The following PIH1D2 variants were observed in gnomAD, a reference collection of about 807,000 sequenced individuals.
The protein encoded by PIH1D2 is PIH1 domain containing 2.
Under a neutral mutation model 31.2 loss-of-function variants are expected in PIH1D2, and 25 were observed. The observed-to-expected ratio is 0.80, with a 90% confidence interval of 0.58 to 1.12. The LOEUF (loss-of-function observed/expected upper bound fraction) is 1.12. Among genes scored for constraint, PIH1D2 ranks in the 50% most tolerant of loss-of-function variants. The pLI, the probability that PIH1D2 is intolerant of heterozygous loss-of-function variation, is 0.00. For synonymous variants in PIH1D2, 116 were observed against 119.9 expected, an observed-to-expected ratio of 0.97 and a Z score of 0.21; for missense variants, 310 against 356.6, an observed-to-expected ratio of 0.87 and a Z score of 1.05.
the PIH1D2 span, among the ~76,000 whole-genome samples, chr11:112,055,049 T>G: frequency 2.0e-5 from 3 of 152,086 alleles, no homozygotes; most frequent in South Asian, 6.2e-4. Context: ...AAGGTCACAT[T>G]GATAGGTTCC....
Position 112,073,642 on chromosome 11 carries a change from A to C in PIH1D2, c.-32+338T>G, listed in dbSNP as rs1347482759. 2.6e-5 allele frequency among the ~76,000 whole-genome samples: 4 copies of C among 152,146 alleles called. No homozygotes were observed. The East Asian group carries it at 7.7e-4, about 29-fold the overall frequency. On this transcript the variant is annotated intron_variant, in intron 1 of 5. Transcript: ENST00000280350. The stretch of plus-strand genomic sequence containing the variant: ...ATGCCTAGATTCCGGTCTTAGTTCT[A>C]TCTCTCACTAGCTCTGTGACCTTGA...
At position 112,071,751 on chromosome 11, in the gene PIH1D2, T is replaced by A. The variant is rs1865123935; in HGVS notation, c.185A>T (p.Lys62Ile). The change falls in exon 3 of 6, where the codon AAA becomes ATA. Residue 62 changes from lysine to isoleucine, a missense_variant. Physicochemically the swap from Lys to Ile is moderately radical, Grantham distance 102. Transcript: ENST00000280350. ...CAGGTTGATAAAAAGTATTTTTTCT[T>A]TTGGTTTCTGGAAAGCAAATAATTT... ...LCLQTRILKPKEKILFINLCQ... is the reference protein window; with the variant it reads ...LCLQTRILKPIEKILFINLCQ... 1 of 1,614,142 alleles carries A rather than the reference T, an allele frequency of 6.2e-7. No homozygotes were observed. The highest frequency in any genetic ancestry group is 8.5e-7 in the Non-Finnish European group (1 of 1,179,976).
intron 2 of PIH1D2, 68 bp from the exon 3 acceptor site, chr11:112,071,826 C>G: frequency 6.5e-7 from 1 of 1,546,272 alleles, no homozygotes; most frequent in South Asian, 1.1e-5. Context: ...GGCATGGTGG[C>G]TCCCGCCTGT....
chr11:112,073,972 A>G lies in PIH1D2; in HGVS notation c.-32+8T>C, dbSNP rs1865241303. The G allele has an allele frequency of 6.1e-6, 1 of 164,450 alleles. No individual in the cohort carries two copies. Among genetic ancestry groups the G allele is most frequent in the African/African-American group, 2.4e-5 (1 of 41,952 alleles). 10.2% of individuals were successfully genotyped at this position (164,450 alleles called of 1,614,324 possible). A position where few individuals can be genotyped will look rare whatever the true frequency, so the allele number is the denominator to read the frequency against. On this transcript the variant is annotated splice_region_variant and intron_variant, in intron 1 of 5. Transcript: ENST00000280350. ...ACGGGTAATCATTCTATAGGTTGGCAAACCCACCTCTTCTCTCAGTTCCTT... is the reference window on the plus strand; with the variant it reads ...ACGGGTAATCATTCTATAGGTTGGCGAACCCACCTCTTCTCTCAGTTCCTT...
downstream of PIH1D2, chr11:112,067,776 G>A (rs905518202): frequency 7.0e-7 from 1 of 1,420,360 alleles, no homozygotes; most frequent in Admixed American, 2.5e-5. Flanking sequence ...TGGAATTGGT[G>A]TTTAAGATAA....
chr11:112,073,875 T>C (rs2135233178), intron 1 of PIH1D2, 105 bp downstream of exon 1: 2 of 152,908 alleles, frequency 1.3e-5, no homozygotes, highest in Middle Eastern at 6.8e-3. Flanking sequence ...GTAAGGGTTA[T>C]GCTAAACGGG....
downstream of PIH1D2, among the ~76,000 whole-genome samples, chr11:112,066,330 T>C (rs587747018): frequency 1.5e-4 from 23 of 152,306 alleles, no homozygotes; most frequent in Non-Finnish European, 1.0e-4. Context: ...AACTACTTTT[T>C]TTGTTCAAAT....
At chr11:112,070,375 C>T in intron 5 of PIH1D2, 61 bp downstream of exon 5, 1 of 1,552,156 alleles carries the variant, frequency 6.4e-7, no homozygotes, top group Non-Finnish European at 8.8e-7. Flanking sequence ...GTTACTGTGG[C>T]ATAATATATG....
At chr11:112,070,741 T>A in intron 4 of PIH1D2, 40 bp from the exon 5 acceptor site, 1 of 1,582,652 alleles carries the variant, frequency 6.3e-7, no homozygotes, top group Non-Finnish European at 8.6e-7. Flanking sequence ...AAAAAATAAA[T>A]CTACAACATA....
intron 3 of PIH1D2, 140 bp downstream of exon 3, chr11:112,071,495 T>G: frequency 1.5e-6 from 2 of 1,291,176 alleles, no homozygotes; most frequent in Non-Finnish European, 2.1e-6. Flanking sequence ...TTAAACAGTA[T>G]TAAATTTGCA....
At chr11:112,061,311 T>C (rs1864607307), downstream of PIH1D2, 1 of 847,498 alleles carries the variant, frequency 1.2e-6, no homozygotes, top group Non-Finnish European at 2.0e-6. Context: ...CCTGATATGA[T>C]ATGATGTAAT....
At chr11:112,067,775 T>A, downstream of PIH1D2, 1 of 1,394,718 alleles carries the variant, frequency 7.2e-7, no homozygotes, top group East Asian at 2.7e-5. Flanking sequence ...ATGGAATTGG[T>A]GTTTAAGATA....
At chr11:112,064,126 C>G, downstream of PIH1D2, 1 of 1,459,050 alleles carries the variant, frequency 6.9e-7, no homozygotes, top group East Asian at 2.4e-5. Context: ...AAGCTTATCA[C>G]AAGGGACCAT....
Position 112,067,876 on chromosome 11 carries a change from C to T in PIH1D2, c.943G>A (p.Val315Met). 3 of 1,611,756 alleles carry T rather than the reference C, an allele frequency of 1.9e-6. No homozygotes were observed. The South Asian group carries it at 3.3e-5, about 18-fold the overall frequency. Residue 315 changes from valine (V) to methionine (M), a missense_variant, in exon 6 of 6, where the codon GTG (valine) becomes ATG (methionine). Transcript: ENST00000280350. Reference protein sequence around the residue: ...KSTLIITMPLV With the variant: ...KSTLIITMPLM ...AAACATATGATGCTCTTCTTTCACA[C>T]CAAAGGCATTGTGATGATTAGCGTG...
intron 2 of PIH1D2, chr11:112,072,788 CG>C: frequency 2.3e-6 from 1 of 440,426 alleles, no homozygotes. Flanking sequence ...CGCTTAAACC[CG>C]GGAGGCAGAG....
chr11:112,061,006 C>T, downstream of PIH1D2: 1 of 1,531,640 alleles, frequency 6.5e-7, no homozygotes, highest in Non-Finnish European at 8.8e-7. Context: ...TGTTGACAAA[C>T]TATAATTTAT....
intron 2 of PIH1D2, 109 bp downstream of exon 2, chr11:112,072,889 C>CAAAA (rs1164293992): frequency 1.2e-4 from 106 of 885,174 alleles, no homozygotes; most frequent in Middle Eastern, 4.0e-4. Flanking sequence ...CAAAACAAAA[C>CAAAA]AAAAAAAAAA....
chr11:112,061,162 A>C (rs1864595131), downstream of PIH1D2: 4 of 1,614,162 alleles, frequency 2.5e-6, no homozygotes, highest in Non-Finnish European at 3.4e-6. Context: ...GTCCCTGCAG[A>C]TAATGAAAAA....
chr11:112,064,379 AT>A (rs1555183635), downstream of PIH1D2: 2 of 598,648 alleles, frequency 3.3e-6, no homozygotes, highest in Non-Finnish European at 5.5e-6. Flanking sequence ...AAATTAAAGT[AT>A]AAATCTTCAA....
Sources: gnomAD v4.1 joint callset for allele counts (sites outside exome capture counted in the v4.1 genomes callset) on GRCh38, gnomAD v4.1.1 for gene constraint, MANE v1.5 for transcripts, NCBI Gene and HGNC (gene_info 2026-07-23, HGNC 2026-07-21) for gene names.